AHRR: variants seen among roughly 807,000 people sequenced by gnomAD.
AHRR encodes the protein aryl hydrocarbon receptor repressor.
AHRR carries 28 observed loss-of-function variants against 44.0 expected under a neutral mutation model. The ratio of observed to expected loss-of-function variants is 0.64; its 90% CI spans 0.47 to 0.87. The LOEUF (loss-of-function observed/expected upper bound fraction) is 0.87. AHRR is among the 40% of genes least tolerant of loss of function. The pLI is 0.00. For synonymous variants in AHRR, 434 were observed against 407.0 expected (o/e 1.07, Z -0.80); for missense variants, 990 against 953.9 (o/e 1.04, Z -0.50).
chr5:352,955 ACT>A (rs1742909194), intron 2 of AHRR, among the ~76,000 whole-genome samples: 1 of 152,060 alleles, frequency 6.6e-6, no homozygotes, highest in Non-Finnish European at 1.5e-5. Flanking sequence ...GGGGATGGTC[ACT>A]CTGAGGTGAG....
At chr5:354,898 C>T (rs1049033308) in intron 3 of AHRR, among the ~76,000 whole-genome samples, 7 of 152,156 alleles carry the variant, frequency 4.6e-5, no homozygotes, top group East Asian at 3.9e-4. Flanking sequence ...CCATGGGCTG[C>T]GGGAAGGAAA....
At chr5:348,923 A>G (rs577131342) in intron 2 of AHRR, among the ~76,000 whole-genome samples, 38 of 152,310 alleles carry the variant, frequency 2.5e-4, no homozygotes, top group African/African-American at 9.1e-4. Context: ...GTCATTTCCC[A>G]TTCCCAGACA....
In AHRR at chr5:387,558, C is replaced by T. The variant is rs1734218445; in HGVS notation, c.351+10842C>T. 6.6e-6 allele frequency among the ~76,000 whole-genome samples: 1 copy of T among 152,230 alleles called. No individual in the cohort carries two copies. Among genetic ancestry groups the T allele is most frequent in the Admixed American group, 6.5e-5 (1 of 15,286 alleles). On this transcript the variant is annotated intron_variant, in intron 4 of 10. Coordinates refer to ENST00000684583, the MANE Select transcript of AHRR (RefSeq NM_001377236.1). This position sits in a 1 kb window ranked among gnomAD's most constrained non-coding sequence, Gnocchi z 5.1. ...GCACACAACAGCCATGCAGCACGTCCCTCCACCTGCCTTTCACCCTGTCTG... is the reference window on the plus strand; with the variant it reads ...GCACACAACAGCCATGCAGCACGTCTCTCCACCTGCCTTTCACCCTGTCTG...
intron 4 of AHRR, among the ~76,000 whole-genome samples, chr5:378,316 G>C (rs902381018): frequency 6.6e-6 from 1 of 152,262 alleles, no homozygotes; most frequent in Non-Finnish European, 1.5e-5. Context: ...GCCGGCACAG[G>C]CTTCAGAGTG....
intron 4 of AHRR, among the ~76,000 whole-genome samples, chr5:408,393 T>C (rs1219527637): frequency 1.3e-5 from 2 of 152,048 alleles, no homozygotes; most frequent in Non-Finnish European, 2.9e-5. Context: ...TTTTTTTTTT[T>C]CAGGAATAAT....
intron 2 of AHRR, among the ~76,000 whole-genome samples, chr5:349,306 G>A (rs1027906475): frequency 7.2e-5 from 11 of 152,060 alleles, no homozygotes; most frequent in Middle Eastern, 3.2e-3. Context: ...GGCTGGGCGC[G>A]GTGGCTCACG....
intron 4 of AHRR, among the ~76,000 whole-genome samples, chr5:403,311 G>A (rs1389096544): frequency 6.6e-6 from 1 of 152,126 alleles, no homozygotes; most frequent in African/African-American, 2.4e-5. Flanking sequence ...ATGTGGACGT[G>A]CTTAATGCCA....
chr5:363,555 C>T (rs888299998), intron 3 of AHRR, among the ~76,000 whole-genome samples: 3 of 152,328 alleles, frequency 2.0e-5, no homozygotes, highest in South Asian at 2.1e-4. Flanking sequence ...AGGAAATGTG[C>T]ACCTTTGATC....
chr5:343,715 G>T, intron 1 of AHRR, 178 bp from the exon 2 acceptor site: 1 of 586,104 alleles, frequency 1.7e-6, no homozygotes, highest in South Asian at 2.2e-5. Flanking sequence ...CTCGGTGCGG[G>T]GTGCTGGAGA....
intron 4 of AHRR, among the ~76,000 whole-genome samples, chr5:397,373 C>T (rs1404885373): frequency 1.5e-4 from 19 of 124,508 alleles, no homozygotes; most frequent in South Asian, 3.1e-4. Flanking sequence ...TGACCATCCA[C>T]GTAGCCCCTG....
intron 9 of AHRR, 52 bp downstream of exon 9, chr5:432,576 C>T: frequency 6.3e-7 from 1 of 1,592,658 alleles, no homozygotes; most frequent in Non-Finnish European, 8.6e-7. Flanking sequence ...AAATGTGTTT[C>T]TGCCCTTGGA....
At chr5:420,952 A>G (rs1012159009) in intron 5 of AHRR, 11 of 266,800 alleles carry the variant, frequency 4.1e-5, no homozygotes, top group Non-Finnish European at 7.6e-5. Context: ...ACACAGGCGC[A>G]CATACGCTGG....
chr5:353,598 C>T, intron 2 of AHRR, 132 bp from the exon 3 acceptor site: 2 of 794,884 alleles, frequency 2.5e-6, no homozygotes, highest in Non-Finnish European at 3.9e-6. Flanking sequence ...GAGCTTTAGT[C>T]CTCTTCCCGT....
chr5:376,557 A>AACGCGGGGAACCACAGGAAAGAT, intron 3 of AHRR, 53 bp from the exon 4 acceptor site: 5 of 1,423,182 alleles, frequency 3.5e-6, no homozygotes, highest in Non-Finnish European at 3.8e-6. Context: ...AATGAAGAAG[A>AACGCGGGGAACCACAGGAAAGAT]GTGGCCAGGC....
In AHRR at chr5:411,512, A is replaced by G. The variant is rs1560913483; in HGVS notation, c.352-1832A>G. On this transcript the variant is annotated intron_variant, in intron 4 of 10. Coordinates refer to ENST00000684583, the MANE Select transcript of AHRR (RefSeq NM_001377236.1). The surrounding 1 kb of genome is among the most constrained non-coding windows in gnomAD (Gnocchi z 4.2). Reference sequence around the variant, plus strand: ...TTGATACTTATAAACCCTAATAGAAAAATTAGCACATGACATACATAGGGC... The same window carrying G: ...TTGATACTTATAAACCCTAATAGAAGAATTAGCACATGACATACATAGGGC... 6.6e-6 allele frequency among the ~76,000 whole-genome samples: 1 copy of G among 152,146 alleles called. No homozygotes were observed. Among genetic ancestry groups the G allele is most frequent in the Non-Finnish European group, 1.5e-5 (1 of 68,018 alleles).
chr5:338,084 CAT>C lies in AHRR; in HGVS notation c.-10-5808_-10-5807del, dbSNP rs561939696. Reference sequence around the variant, plus strand: ...GTACTGTCACCTCACTTTGCGAATACATGTCTCCCCTCCCGGGTCTGTGTAGC... The same window carrying C: ...GTACTGTCACCTCACTTTGCGAATACGTCTCCCCTCCCGGGTCTGTGTAGC... On this transcript the variant is annotated intron_variant, in intron 1 of 10. Coordinates refer to ENST00000684583, the MANE Select transcript of AHRR (RefSeq NM_001377236.1). The surrounding 1 kb of genome is among the most constrained non-coding windows in gnomAD (Gnocchi z 4.1). Among the ~76,000 whole-genome samples the C allele has an allele frequency of 5.9e-4, 90 of 152,336 alleles. No homozygotes were observed. Among genetic ancestry groups the C allele is most frequent in the African/African-American group, 2.1e-3 (86 of 41,564 alleles).
At chr5:343,852 C>G in intron 1 of AHRR, 41 bp from the exon 2 acceptor site, 1 of 1,566,324 alleles carries the variant, frequency 6.4e-7, no homozygotes, top group African/African-American at 1.4e-5. Context: ...ACAGGGCGCA[C>G]GTGGCGCGTT....
At chr5:381,388 C>G (rs1388390113) in intron 4 of AHRR, among the ~76,000 whole-genome samples, 1 of 151,766 alleles carries the variant, frequency 6.6e-6, no homozygotes, top group Non-Finnish European at 1.5e-5. Context: ...CCTTATTGCA[C>G]TTCTAGGATG....
At chr5:392,685 C>T (rs1006136233) in intron 4 of AHRR, among the ~76,000 whole-genome samples, 3 of 152,126 alleles carry the variant, frequency 2.0e-5, no homozygotes, top group Non-Finnish European at 4.4e-5. Flanking sequence ...GGCGGGAAGG[C>T]TGGTTTTAGG....
Sources: gnomAD v4.1 joint callset for allele counts (sites outside exome capture counted in the v4.1 genomes callset) on GRCh38, gnomAD v4.1.1 for gene constraint, Gnocchi (gnomAD v3.1) non-coding constraint, MANE v1.5 for transcripts, NCBI Gene and HGNC (gene_info 2026-07-23, HGNC 2026-07-21) for gene names.